Variants in CKAP5 observed in about 807,000 individuals in gnomAD.
CKAP5 encodes cytoskeleton associated protein 5, also known as cytoskeleton-associated protein 5.
A neutral mutation model predicts 232.8 loss-of-function variants in CKAP5; 27 were observed. That is an observed-to-expected ratio of 0.12 (90% CI 0.09 to 0.16). The LOEUF is 0.16. Ranked by LOEUF, CKAP5 falls within the 10% of genes least tolerant of loss-of-function variation. The pLI, the probability that CKAP5 is intolerant of heterozygous loss-of-function variation, is 1.00. For missense variants in CKAP5, 1,838 were observed against 2,424.7 expected, an observed-to-expected ratio of 0.76 and a Z score of 5.08; for synonymous variants, 785 against 841.1, an observed-to-expected ratio of 0.93 and a Z score of 1.16.
In CKAP5 at chr11:46,754,981, T is replaced by C. The variant is rs925589298; in HGVS notation, c.4776A>G (p.Leu1592=). 2 of 1,613,972 alleles carry C rather than the reference T, an allele frequency of 1.2e-6. No homozygotes were observed. The highest frequency in any genetic ancestry group is 1.7e-5 in the Admixed American group (1 of 59,996). The change falls in exon 36 of 44, where the codon CTA becomes CTG. Residue 1592 remains leucine, a synonymous_variant. Transcript: ENST00000529230. ...CCATGTGTGTGTTGTAGATGAGTCT[T>C]AGCTGCATAAAAGTGGCTATCAGAA... ...DQFLIATFMQ[L]RLIYNTHMAD...
At chr11:46,764,691 T>C (rs1343308127) in intron 28 of CKAP5, among the ~76,000 whole-genome samples, 1 of 152,202 alleles carries the variant, frequency 6.6e-6, no homozygotes, top group Non-Finnish European at 1.5e-5. Context: ...CTTACTATAC[T>C]TTGCACTTTC....
intron 1 of CKAP5, among the ~76,000 whole-genome samples, chr11:46,845,473 C>A (rs1179139700): frequency 6.6e-6 from 1 of 152,184 alleles, no homozygotes; most frequent in Non-Finnish European, 1.5e-5. Context: ...AGAAACACAA[C>A]GGAATGCATT....
Position 46,743,959 on chromosome 11 carries a change from T to G in CKAP5, c.*64A>C. On this transcript the variant is annotated 3_prime_UTR_variant, in exon 44 of 44. Coordinates refer to ENST00000529230, the MANE Select transcript of CKAP5 (RefSeq NM_001008938.4). ...TACACTAGGCCTGCTGAGGCCATTT[T>G]AAACTATGAGGACTTCTAGTTTAGT... 6.2e-7 allele frequency: 1 copy of G among 1,606,704 alleles called. No individual in the cohort carries two copies. The highest frequency in any genetic ancestry group is 1.1e-5 in the South Asian group (1 of 90,324).
At chr11:46,839,264 G>A (rs548718365) in intron 1 of CKAP5, among the ~76,000 whole-genome samples, 1 of 152,220 alleles carries the variant, frequency 6.6e-6, no homozygotes, top group East Asian at 1.9e-4. Flanking sequence ...TGGGGGTAGG[G>A]GTAGAGTGAA....
At position 46,815,943 on chromosome 11, in the gene CKAP5, T is replaced by C. The variant is rs1020704563; in HGVS notation, c.458+255A>G. ...CAGCTACCAAGCGAGAATTACCCCCTGAGCTCTGCCTCCTGCCAGATCAGC... is the reference window on the plus strand; with the variant it reads ...CAGCTACCAAGCGAGAATTACCCCCCGAGCTCTGCCTCCTGCCAGATCAGC... On this transcript the variant is annotated intron_variant, in intron 4 of 43. Transcript: ENST00000529230. Among the ~76,000 whole-genome samples, 4 of 152,318 alleles carry C rather than the reference T, an allele frequency of 2.6e-5. No homozygotes were observed. In the East Asian group the frequency reaches 7.7e-4, roughly 29 times the overall value.
intron 1 of CKAP5, among the ~76,000 whole-genome samples, chr11:46,839,871 G>T (rs1940009022): frequency 6.6e-6 from 1 of 152,142 alleles, no homozygotes; most frequent in Non-Finnish European, 1.5e-5. Context: ...GGACATGTTG[G>T]CTCATGCTTG....
intron 26 of CKAP5, 111 bp from the exon 27 acceptor site, chr11:46,767,774 A>G: frequency 1.6e-6 from 1 of 620,160 alleles, no homozygotes; most frequent in East Asian, 3.0e-5. Context: ...AAATGTATCA[A>G]TTTATAAGAT....
chr11:46,809,706 A>G (rs977152418), intron 6 of CKAP5, 36 bp downstream of exon 6: 1 of 1,612,438 alleles, frequency 6.2e-7, no homozygotes, highest in Non-Finnish European at 8.5e-7. Context: ...AGTTCTTGCT[A>G]ATTTTTGCAG....
chr11:46,823,466 T>C (rs955326301), intron 1 of CKAP5, among the ~76,000 whole-genome samples: 5 of 152,226 alleles, frequency 3.3e-5, no homozygotes, highest in Non-Finnish European at 7.3e-5. Context: ...AACATTTTTG[T>C]TATATGATCA....
chr11:46,795,560 C>T, intron 13 of CKAP5, 34 bp downstream of exon 13: 4 of 1,565,074 alleles, frequency 2.6e-6, no homozygotes, highest in Non-Finnish European at 3.5e-6. Flanking sequence ...CAGACCCTTC[C>T]TTACTAACTT....
chr11:46,815,344 G>A (rs192938226), intron 4 of CKAP5, among the ~76,000 whole-genome samples: 11 of 152,026 alleles, frequency 7.2e-5, no homozygotes, highest in Admixed American at 4.6e-4. Flanking sequence ...CACTGAGCCT[G>A]GCCATATTTA....
chr11:46,807,948 T>C (rs889670282), intron 8 of CKAP5, 83 bp downstream of exon 8: 7 of 874,714 alleles, frequency 8.0e-6, no homozygotes, highest in South Asian at 1.6e-5. Context: ...TGGCAATGTA[T>C]GTGTAATTAA....
intron 1 of CKAP5, among the ~76,000 whole-genome samples, chr11:46,831,037 G>A (rs1034020273): frequency 2.0e-5 from 3 of 152,052 alleles, no homozygotes; most frequent in African/African-American, 7.2e-5. Context: ...TGCACTCCAG[G>A]CTGGGCAACA....
intron 27 of CKAP5, 86 bp downstream of exon 27, chr11:46,767,489 T>C: frequency 1.2e-6 from 1 of 805,152 alleles, no homozygotes; most frequent in Non-Finnish European, 2.0e-6. Flanking sequence ...CTTTTATATA[T>C]AATATGATCC....
At chr11:46,797,378 A>C (rs576066429) in intron 11 of CKAP5, among the ~76,000 whole-genome samples, 21 of 142,370 alleles carry the variant, frequency 1.5e-4, no homozygotes, top group Admixed American at 1.2e-3. Flanking sequence ...AACAAAACAA[A>C]AACAACAACA....
chr11:46,784,608 T>C lies in CKAP5; in HGVS notation c.2034A>G (p.Ser678=), dbSNP rs1403299749. The C allele has an allele frequency of 8.1e-6, 13 of 1,614,000 alleles. No individual in the cohort carries two copies. Among genetic ancestry groups the C allele is most frequent in the Non-Finnish European group, 1.0e-5 (12 of 1,179,982 alleles). Residue 678 remains serine (S), a synonymous_variant, in exon 17 of 44, where the codon TCA becomes TCG. Transcript: ENST00000529230. ...IAQKGNFSKT[S]AQVVLDGLVD... ...CAAGGCCATCTAATACAACCTGAGC[T>C]GACGTTTTGGAAAAATTTCCCTTCT...
At chr11:46,771,108 T>C (rs924851792) in intron 24 of CKAP5, 126 bp from the exon 25 acceptor site, 1 of 687,672 alleles carries the variant, frequency 1.5e-6, no homozygotes, top group African/African-American at 1.8e-5. Context: ...CTTTCCAATA[T>C]GAAATCAGTA....
chr11:46,750,716 G>T, intron 40 of CKAP5, 105 bp from the exon 41 acceptor site: 1 of 849,784 alleles, frequency 1.2e-6, no homozygotes, highest in East Asian at 2.6e-5. Flanking sequence ...GGGCCTTATT[G>T]GTATGTTCCT....
chr11:46,795,843 A>G, intron 12 of CKAP5, 67 bp from the exon 13 acceptor site: 3 of 1,325,862 alleles, frequency 2.3e-6, no homozygotes, highest in African/African-American at 1.4e-5. Context: ...ACGTTATTAC[A>G]TTTCTAAACC....
Sources: gnomAD v4.1 joint callset for allele counts (sites outside exome capture counted in the v4.1 genomes callset) on GRCh38, gnomAD v4.1.1 for gene constraint, MANE v1.5 for transcripts, NCBI Gene and HGNC (gene_info 2026-07-23, HGNC 2026-07-21) for gene names.